The following PCM1 variants were observed in gnomAD, a reference collection of about 807,000 sequenced individuals.
PCM1 encodes pericentriolar material 1 protein.
A neutral mutation model predicts 241.9 loss-of-function variants in PCM1; 157 were observed. The observed-to-expected ratio is 0.65, with a 90% CI of 0.57 to 0.74. The LOEUF (loss-of-function observed/expected upper bound fraction) is 0.74. PCM1 is among the 30% of genes least tolerant of loss of function. The pLI, the probability that PCM1 is intolerant of heterozygous loss-of-function variation, is 0.00. For missense variants in PCM1, 3,478 were observed against 2,360.1 expected (o/e 1.47, Z -9.81); for synonymous variants, 1,085 against 784.9 (o/e 1.38, Z -6.39).
rs2061478738 is a variant in PCM1 at position 17,939,711 on chromosome 8, A to G, written c.633A>G (p.Gln211=). 3 of 1,540,452 alleles carry G rather than the reference A, an allele frequency of 1.9e-6. No individual in the cohort carries two copies. The highest frequency in any genetic ancestry group is 1.3e-5 in the South Asian group (1 of 79,656). Residue 211 remains glutamine (Q), a synonymous_variant, in exon 6 of 39, where the codon CAA becomes CAG. Transcript: ENST00000325083. Reference sequence around the variant, plus strand: ...TGCAGATTGTAAGCAGGCTTGTTCAAATTCGCGATTATATTACTAAAGCTA... The same window carrying G: ...TGCAGATTGTAAGCAGGCTTGTTCAGATTCGCGATTATATTACTAAAGCTA... ...ESSQIVSRLV[Q]IRDYITKASS... is the part of the protein sequence containing the mutation.
At chr8:17,957,991 G>A (rs2069465102) in intron 13 of PCM1, among the ~76,000 whole-genome samples, 1 of 152,098 alleles carries the variant, frequency 6.6e-6, no homozygotes, top group South Asian at 2.1e-4. Context: ...GCTTTGTGGC[G>A]ATATAGTATC....
intron 36 of PCM1, among the ~76,000 whole-genome samples, chr8:18,018,921 AC>A (rs2093526756): frequency 8.0e-6 from 1 of 125,394 alleles, no homozygotes; most frequent in African/African-American, 3.5e-5. Context: ...TAAATATATA[AC>A]ATATAATATA....
chr8:18,010,798 T>C, intron 32 of PCM1, 130 bp downstream of exon 32: 1 of 611,050 alleles, frequency 1.6e-6, no homozygotes, highest in Non-Finnish European at 2.8e-6. Flanking sequence ...CTGGCCAACA[T>C]GGTGAAACCC....
At chr8:17,939,503 A>T (rs926654332) in intron 5 of PCM1, among the ~76,000 whole-genome samples, 188 bp from the exon 6 acceptor site, 1 of 152,154 alleles carries the variant, frequency 6.6e-6, no homozygotes, top group Non-Finnish European at 1.5e-5. Context: ...AGTATTACCA[A>T]TTATGTCTTG....
rs758927551 is a variant in PCM1 at position 17,959,997 on chromosome 8, T to G, written c.2041-17T>G. 1.2e-6 allele frequency: 2 copies of G among 1,610,026 alleles called. No homozygotes were observed. Among genetic ancestry groups the G allele is most frequent in the African/African-American group, 1.3e-5 (1 of 74,834 alleles). ...TTGAGGTATCAAGATTGTTTTAATGTAATGATGCTCTTTCAGGATGATGAT... is the reference window on the plus strand; with the variant it reads ...TTGAGGTATCAAGATTGTTTTAATGGAATGATGCTCTTTCAGGATGATGAT... On this transcript the variant is annotated splice_polypyrimidine_tract_variant and intron_variant, in intron 13 of 38. Transcript: ENST00000325083.
In PCM1 at chr8:18,006,351, A is replaced by G. The variant is rs776528013; in HGVS notation, c.4916A>G (p.Lys1639Arg). 6.2e-7 allele frequency: 1 copy of G among 1,613,048 alleles called. No individual in the cohort carries two copies. Among genetic ancestry groups the G allele is most frequent in the Non-Finnish European group, 8.5e-7 (1 of 1,179,230 alleles). Residue 1639 changes from lysine to arginine, a missense_variant, in exon 30 of 39, where the codon AAA (lysine) becomes AGA (arginine). Lys to Arg is a conservative substitution (Grantham distance 26). Transcript: ENST00000325083. ...LTLTQQNDES[K>R]EFVKFFHKQL... Reference sequence around the variant, plus strand: ...CTTACCCAGCAAAATGATGAGAGCAAAGAGTTTGTAAAGTTCTTTCATAAA... The same window carrying G: ...CTTACCCAGCAAAATGATGAGAGCAGAGAGTTTGTAAAGTTCTTTCATAAA...
In PCM1 at chr8:18,011,191, CA is replaced by C. The variant is rs1342868372; in HGVS notation, c.5221-45del. Reference sequence around the variant, plus strand: ...CGATAGACTTACTATATACCTTTTACACATGTACTTTAAGGAATTAATTACT... The same window carrying C: ...CGATAGACTTACTATATACCTTTTACCATGTACTTTAAGGAATTAATTACT... On this transcript the variant is annotated intron_variant, in intron 32 of 38. Transcript: ENST00000325083. The C allele has an allele frequency of 4.9e-6, 7 of 1,425,240 alleles. No homozygotes were observed. In the South Asian group the frequency reaches 9.5e-5, roughly 19 times the overall value. The allele number at this position is 1,425,240 out of a possible 1,614,324, so 88.3% of individuals were successfully genotyped here.
Position 17,955,744 on chromosome 8 carries a change from A to G in PCM1, c.1472+91A>G, listed in dbSNP as rs1382165133. The G allele has an allele frequency of 7.4e-6, 7 of 942,734 alleles. No homozygotes were observed. In the African/African-American group the frequency reaches 8.2e-5, roughly 11 times the overall value. 58.4% of individuals were successfully genotyped at this position (942,734 alleles called of 1,614,324 possible). On this transcript the variant is annotated intron_variant, in intron 10 of 38. Coordinates refer to ENST00000325083, the MANE Select transcript of PCM1 (RefSeq NM_006197.4). ...TATGTTGAAAATTCTGCAAAACGAG[A>G]TTTATTTAATATTGTTGTAAACATT... is the stretch of plus-strand genomic sequence containing the variant.
Position 17,960,310 on chromosome 8 carries a change from TG to T in PCM1, c.2193-4del. On this transcript the variant is annotated splice_polypyrimidine_tract_variant and splice_region_variant and intron_variant, in intron 14 of 38. Transcript: ENST00000325083. The stretch of plus-strand genomic sequence containing the variant: ...TCCATAAATATAATGTCAATTTAAT[TG>T]TAGAGAGAAATTTTATGAGGCTAAA... 4.4e-6 allele frequency: 7 copies of T among 1,592,194 alleles called. No homozygotes were observed. Among genetic ancestry groups the T allele is most frequent in the Non-Finnish European group, 6.0e-6 (7 of 1,174,154 alleles).
At position 17,955,479 on chromosome 8, in the gene PCM1, A is replaced by G. The variant is rs201558221; in HGVS notation, c.1298A>G (p.Gln433Arg). 1 of 1,604,234 alleles carries G rather than the reference A, an allele frequency of 6.2e-7. No homozygotes were observed. Among genetic ancestry groups the G allele is most frequent in the South Asian group, 1.1e-5 (1 of 88,818 alleles). Residue 433 changes from glutamine to arginine, a missense_variant, in exon 10 of 39, where the codon CAA becomes CGA. Physicochemically the swap from Gln to Arg is conservative, Grantham distance 43. Coordinates refer to ENST00000325083, the MANE Select transcript of PCM1 (RefSeq NM_006197.4). ...QHLNNSSSSP[Q>R]RSVDQRSTSA... The stretch of plus-strand genomic sequence containing the variant: ...GTTGTGCCTTCTTCAGCCTCTCCAC[A>G]AAGGAGTGTCGATCAGAGAAGTACT...
chr8:17,939,836 A>G lies in PCM1; in HGVS notation c.758A>G (p.Tyr253Cys). ...IDHLKEQEKS[Y>C]MKFLKKILAR... is the part of the protein sequence containing the mutation. The stretch of plus-strand genomic sequence containing the variant: ...CACCTTAAAGAACAAGAGAAGTCAT[A>G]TATGAAATTTCTTAAAAAAATCCTT... The change falls in exon 6 of 39, where the codon TAT becomes TGT. Residue 253 changes from tyrosine (Y) to cysteine (C), a missense_variant. Physicochemically the swap from Tyr to Cys is radical, Grantham distance 194. Transcript: ENST00000325083. The G allele has an allele frequency of 6.6e-7, 1 of 1,511,196 alleles. No individual in the cohort carries two copies. The highest frequency in any genetic ancestry group is 8.9e-7 in the Non-Finnish European group (1 of 1,118,810). 93.6% of individuals were successfully genotyped at this position (1,511,196 alleles called of 1,614,324 possible). A position where few individuals can be genotyped will look rare whatever the true frequency, so the allele number is the denominator to read the frequency against.
At chr8:17,931,455 G>GT (rs2058998406) in intron 2 of PCM1, among the ~76,000 whole-genome samples, 1 of 152,006 alleles carries the variant, frequency 6.6e-6, no homozygotes, top group South Asian at 2.1e-4. Context: ...TGGCTGGCTA[G>GT]TTTTTGTATT....
intron 3 of PCM1, 49 bp downstream of exon 3, chr8:17,935,755 A>G (rs1436939333): frequency 2.2e-6 from 2 of 905,584 alleles, no homozygotes; most frequent in Non-Finnish European, 3.7e-6. Flanking sequence ...TAATGTTAAA[A>G]TGCAGTTTTC....
At chr8:17,934,149 A>G (rs868255557) in intron 2 of PCM1, among the ~76,000 whole-genome samples, 1 of 152,168 alleles carries the variant, frequency 6.6e-6, no homozygotes, top group African/African-American at 2.4e-5. Context: ...GACAAATTCT[A>G]CTTTTTCAGA....
intron 30 of PCM1, 46 bp from the exon 31 acceptor site, chr8:18,009,501 T>C: frequency 8.3e-7 from 1 of 1,197,892 alleles, no homozygotes; most frequent in East Asian, 2.5e-5. Context: ...TATTTTATAA[T>C]TGAAGTTTAC....
chr8:17,983,775 C>T (rs191634078), intron 24 of PCM1, among the ~76,000 whole-genome samples: 2 of 152,226 alleles, frequency 1.3e-5, no homozygotes, highest in East Asian at 1.9e-4. Flanking sequence ...TAAGTATTCT[C>T]ATTAAATGTG....
chr8:17,975,754 T>C (rs564265717), intron 23 of PCM1, among the ~76,000 whole-genome samples: 2 of 152,344 alleles, frequency 1.3e-5, no homozygotes, highest in Admixed American at 6.5e-5. Flanking sequence ...AAATCTCATA[T>C]AACTTTGTTT....
At chr8:17,934,268 C>T (rs373171404) in intron 2 of PCM1, among the ~76,000 whole-genome samples, 4 of 145,852 alleles carry the variant, frequency 2.7e-5, no homozygotes, top group Non-Finnish European at 4.5e-5. Context: ...AATTTTTAAT[C>T]TTTTTTTTTT....
chr8:18,017,882 TC>T (rs2093374269), intron 36 of PCM1, among the ~76,000 whole-genome samples: 1 of 151,670 alleles, frequency 6.6e-6, no homozygotes, highest in African/African-American at 2.4e-5. Flanking sequence ...AGGGTTTGAC[TC>T]TGAAGACAAT....
Sources: gnomAD v4.1 joint callset for allele counts (sites outside exome capture counted in the v4.1 genomes callset) on GRCh38, gnomAD v4.1.1 for gene constraint, MANE v1.5 for transcripts, NCBI Gene and HGNC (gene_info 2026-07-23, HGNC 2026-07-21) for gene names.